REEP3: variants seen among roughly 807,000 people sequenced by gnomAD.
The protein encoded by REEP3 is receptor expression-enhancing protein 3.
In REEP3, 20 loss-of-function variants were observed where a neutral mutation model predicts 41.3. The observed-to-expected ratio is 0.48, with a 90% CI of 0.34 to 0.70. REEP3 has a LOEUF of 0.70. REEP3 is among the 30% of genes least tolerant of loss of function. The probability of loss-of-function intolerance (pLI) is 0.01; values close to 1 mark genes in which losing one functional copy is unlikely to be tolerated. For missense variants in REEP3, 271 were observed against 308.8 expected (o/e 0.88, Z 0.92); for synonymous variants, 104 against 101.8 (o/e 1.02, Z -0.13).
intron 5 of REEP3, 111 bp from the exon 6 acceptor site, chr10:63,610,076 T>G (rs1956265958): frequency 1.1e-6 from 1 of 906,424 alleles, no homozygotes; most frequent in Admixed American, 2.8e-5. Context: ...GGGTGTTCAT[T>G]GTACAATTCT....
chr10:63,599,291 T>A lies in REEP3; in HGVS notation c.417+8T>A. On this transcript the variant is annotated splice_region_variant and intron_variant, in intron 5 of 7. Transcript: ENST00000373758. ...GTTACTGCAGCAGTAAAGGTAATTG[T>A]TCATTTACCTTTTTAATCCAATGTC... The A allele has an allele frequency of 8.0e-6, 10 of 1,250,232 alleles. No individual in the cohort carries two copies. Among genetic ancestry groups the A allele is most frequent in the South Asian group, 1.5e-5 (1 of 67,234 alleles). The allele number at this position is 1,250,232 out of a possible 1,614,324, so 77.4% of individuals were successfully genotyped here.
intron 1 of REEP3, among the ~76,000 whole-genome samples, chr10:63,563,512 A>C (rs1955763893): frequency 6.6e-6 from 1 of 152,142 alleles, no homozygotes; most frequent in African/African-American, 2.4e-5. Flanking sequence ...CACGGATAAC[A>C]CCAAAGCCTA....
At chr10:63,611,718 A>G (rs1956278286) in intron 6 of REEP3, among the ~76,000 whole-genome samples, 1 of 151,944 alleles carries the variant, frequency 6.6e-6, no homozygotes, top group African/African-American at 2.4e-5. Context: ...ATTAAAATCA[A>G]TTTGAAAAAT....
At chr10:63,572,590 T>C (rs1384814018) in intron 2 of REEP3, among the ~76,000 whole-genome samples, 1 of 152,238 alleles carries the variant, frequency 6.6e-6, no homozygotes, top group Non-Finnish European at 1.5e-5. Context: ...AAAGTTTTCC[T>C]ATACAGTAAT....
intron 5 of REEP3, among the ~76,000 whole-genome samples, 165 bp from the exon 6 acceptor site, chr10:63,610,022 G>A (rs556616907): frequency 4.6e-5 from 7 of 152,296 alleles, no homozygotes; most frequent in Admixed American, 4.6e-4. Context: ...TAGGTAGATG[G>A]TAGGTATGTG....
intron 5 of REEP3, among the ~76,000 whole-genome samples, chr10:63,607,139 T>C (rs1473204383): frequency 6.6e-6 from 1 of 152,222 alleles, no homozygotes; most frequent in Non-Finnish European, 1.5e-5. Context: ...ATTTACGTAA[T>C]GTTTTCAAAG....
chr10:63,574,375 G>A (rs989048766), intron 2 of REEP3, among the ~76,000 whole-genome samples: 1 of 152,130 alleles, frequency 6.6e-6, no homozygotes, highest in Admixed American at 6.5e-5. Flanking sequence ...AGTGCACAAT[G>A]TCTGGAAACA....
At chr10:63,602,593 A>G (rs1413881143) in intron 5 of REEP3, among the ~76,000 whole-genome samples, 1 of 152,100 alleles carries the variant, frequency 6.6e-6, no homozygotes, top group Non-Finnish European at 1.5e-5. Flanking sequence ...TACAAATCCC[A>G]TTTTTCCTCC....
At chr10:63,560,037 ATGT>A (rs1955725965) in intron 1 of REEP3, among the ~76,000 whole-genome samples, 1 of 152,100 alleles carries the variant, frequency 6.6e-6, no homozygotes, top group African/African-American at 2.4e-5. Context: ...TCTTCTAATG[ATGT>A]TATAAAATAT....
chr10:63,564,982 G>A (rs1400050234), intron 1 of REEP3, among the ~76,000 whole-genome samples: 1 of 152,182 alleles, frequency 6.6e-6, no homozygotes, highest in Admixed American at 6.5e-5. Flanking sequence ...TACTGGCAGG[G>A]CATGGTGGCT....
At chr10:63,573,684 A>T (rs1053115033) in intron 2 of REEP3, among the ~76,000 whole-genome samples, 2 of 152,214 alleles carry the variant, frequency 1.3e-5, no homozygotes, top group Non-Finnish European at 1.5e-5. Flanking sequence ...GAACAAATAT[A>T]CCACATGCCA....
At chr10:63,562,712 A>G (rs1195596832) in intron 1 of REEP3, 5 of 434,426 alleles carry the variant, frequency 1.2e-5, no homozygotes, top group Non-Finnish European at 1.8e-5. Context: ...CAATCAATCA[A>G]TTGGTAAACA....
intron 6 of REEP3, among the ~76,000 whole-genome samples, chr10:63,619,308 A>C (rs1198216818): frequency 1.3e-5 from 2 of 152,246 alleles, no homozygotes; most frequent in East Asian, 3.8e-4. Flanking sequence ...AAGAGGAGGA[A>C]AGGTGGGAAG....
intron 4 of REEP3, among the ~76,000 whole-genome samples, 153 bp downstream of exon 4, chr10:63,598,297 T>C (rs1389564361): frequency 2.7e-5 from 4 of 149,200 alleles, no homozygotes; most frequent in Non-Finnish European, 5.9e-5. Flanking sequence ...CTGGCCAACA[T>C]GGTGAAACCC....
At chr10:63,551,312 A>G (rs1453689842) in intron 1 of REEP3, among the ~76,000 whole-genome samples, 1 of 152,250 alleles carries the variant, frequency 6.6e-6, no homozygotes, top group African/African-American at 2.4e-5. Context: ...GTATTGGATT[A>G]TACCATCCAA....
At chr10:63,545,692 T>G (rs962820980) in intron 1 of REEP3, among the ~76,000 whole-genome samples, 20 of 141,620 alleles carry the variant, frequency 1.4e-4, no homozygotes, top group South Asian at 7.4e-4. Context: ...TTTTTTTTTT[T>G]TTTTTTTTTT....
chr10:63,605,009 A>G (rs1956211277), intron 5 of REEP3, among the ~76,000 whole-genome samples: 1 of 152,310 alleles, frequency 6.6e-6, no homozygotes, highest in Non-Finnish European at 1.5e-5. Flanking sequence ...ACTGGTATCT[A>G]GTCGGTAAAG....
intron 1 of REEP3, among the ~76,000 whole-genome samples, chr10:63,564,588 A>C (rs1022206242): frequency 2.6e-5 from 4 of 151,006 alleles, no homozygotes; most frequent in Non-Finnish European, 5.9e-5. Context: ...ACACCACTGC[A>C]CTCCAGTCTG....
At chr10:63,550,177 AAG>A (rs1460913492) in intron 1 of REEP3, among the ~76,000 whole-genome samples, 1 of 152,222 alleles carries the variant, frequency 6.6e-6, no homozygotes, top group Non-Finnish European at 1.5e-5. Flanking sequence ...TATTCTCACC[AAG>A]GGAGAACCAC....
Sources: allele counts gnomAD v4.1 joint callset (sites outside exome capture counted in the v4.1 genomes callset), GRCh38; gene constraint gnomAD v4.1.1; transcripts MANE v1.5; gene names NCBI Gene and HGNC (gene_info 2026-07-23, HGNC 2026-07-21).